EYS: variants seen among roughly 807,000 people sequenced by gnomAD.
EYS encodes the protein EGF-like photoreceptor maintenance factor.
A neutral mutation model predicts 282.1 loss-of-function variants in EYS; 250 were observed. The ratio of observed to expected loss-of-function variants is 0.89; its 90% CI spans 0.80 to 0.98. EYS has a LOEUF of 0.98. Among genes scored for constraint, EYS ranks in the 50% least tolerant of loss-of-function variants. The pLI is 0.00. For missense variants in EYS, 4,016 were observed against 3,709.0 expected (o/e 1.08, Z -2.15); for synonymous variants, 1,355 against 1,282.9 (o/e 1.06, Z -1.20).
At chr6:64,271,400 C>G (rs1012288774) in intron 30 of EYS, among the ~76,000 whole-genome samples, 38 of 151,976 alleles carry the variant, frequency 2.5e-4, no homozygotes, top group African/African-American at 9.2e-4. Context: ...TATGTCCTAC[C>G]AATTGTGGCT....
intron 5 of EYS, among the ~76,000 whole-genome samples, chr6:65,456,313 G>A (rs556939628): frequency 7.9e-5 from 12 of 151,924 alleles, no homozygotes; most frequent in Admixed American, 2.6e-4. Flanking sequence ...TTAGCTGGGC[G>A]TGGTGGAGTG....
intron 22 of EYS, among the ~76,000 whole-genome samples, chr6:64,681,619 C>T (rs182742188): frequency 2.0e-3 from 305 of 152,198 alleles, no homozygotes; most frequent in Non-Finnish European, 3.2e-3. Flanking sequence ...CACGGCCGGG[C>T]GCGGTGGCTC....
At chr6:64,529,882 G>A (rs1419516677) in intron 26 of EYS, among the ~76,000 whole-genome samples, 2 of 152,044 alleles carry the variant, frequency 1.3e-5, no homozygotes, top group African/African-American at 4.8e-5. Context: ...AATTCCAGCA[G>A]AAAGAATTGA....
chr6:63,828,003 A>G (rs1197054450), intron 36 of EYS, among the ~76,000 whole-genome samples: 1 of 152,218 alleles, frequency 6.6e-6, no homozygotes, highest in East Asian at 1.9e-4. Context: ...TGATAAAAAG[A>G]CAATCAAGAT....
chr6:64,731,116 A>G (rs969213690), intron 22 of EYS: 1 of 152,206 alleles, frequency 6.6e-6, no homozygotes. Context: ...TATACCTTAT[A>G]CAAAAATTAA....
intron 13 of EYS, among the ~76,000 whole-genome samples, chr6:65,030,126 C>T (rs957423361): frequency 7.2e-5 from 11 of 152,132 alleles, no homozygotes; most frequent in East Asian, 5.8e-4. Context: ...CCACATTCCC[C>T]GAAGTGTCTG....
intron 26 of EYS, among the ~76,000 whole-genome samples, chr6:64,474,483 TA>T (rs1237139389): frequency 1.3e-5 from 2 of 152,212 alleles, no homozygotes; most frequent in Non-Finnish European, 2.9e-5. Flanking sequence ...AAGAACATTT[TA>T]AAAACAACTC....
chr6:64,505,554 T>C (rs73767831), intron 26 of EYS, among the ~76,000 whole-genome samples: 7,839 of 152,234 alleles, frequency 0.051, 678 homozygotes, highest in African/African-American at 0.18. Flanking sequence ...GCCAGTCTTA[T>C]TTTGGAAGAC....
At chr6:65,608,456 T>C (rs1480275993) in intron 2 of EYS, among the ~76,000 whole-genome samples, 2 of 152,018 alleles carry the variant, frequency 1.3e-5, no homozygotes, top group Non-Finnish European at 2.9e-5. Flanking sequence ...TACACTATTG[T>C]ATACTTCACA....
chr6:64,380,144 G>T (rs2150419234), intron 29 of EYS, among the ~76,000 whole-genome samples: 1 of 151,874 alleles, frequency 6.6e-6, no homozygotes, highest in South Asian at 2.1e-4. Flanking sequence ...GAGTTACAGA[G>T]CATTACATTA....
At chr6:65,631,052 T>G (rs1227757631) in intron 2 of EYS, among the ~76,000 whole-genome samples, 1 of 152,246 alleles carries the variant, frequency 6.6e-6, no homozygotes, top group African/African-American at 2.4e-5. Context: ...TTTAAATTAT[T>G]AAGAAATAGG....
chr6:65,154,853 C>T lies in EYS; in HGVS notation c.2024-97126G>A, dbSNP rs894370804. 2.0e-3 allele frequency among the ~76,000 whole-genome samples: 299 copies of T among 151,550 alleles called. 2 individuals carry two copies. The highest frequency in any genetic ancestry group is 6.9e-3 in the African/African-American group (286 of 41,454). On this transcript the variant is annotated intron_variant, in intron 12 of 42. Coordinates refer to ENST00000503581, the MANE Select transcript of EYS (RefSeq NM_001142800.2). Reference sequence around the variant, plus strand: ...GATTTATTTTCATATTTAAATTAGACAAGCCACTCAACCAAAATTAATAGT... The same window carrying T: ...GATTTATTTTCATATTTAAATTAGATAAGCCACTCAACCAAAATTAATAGT...
chr6:65,469,518 A>T (rs1156717650), intron 5 of EYS, among the ~76,000 whole-genome samples: 2 of 152,110 alleles, frequency 1.3e-5, no homozygotes, highest in African/African-American at 4.8e-5. Flanking sequence ...ATAGGATCAA[A>T]ACTCAATGTA....
chr6:64,465,473 A>G (rs1409804605), intron 26 of EYS, among the ~76,000 whole-genome samples: 1 of 152,186 alleles, frequency 6.6e-6, no homozygotes, highest in Non-Finnish European at 1.5e-5. Context: ...TTTAAGGCCA[A>G]TGAATTTTGG....
At chr6:63,728,230 A>G (rs1768691487) in intron 41 of EYS, among the ~76,000 whole-genome samples, 1 of 152,114 alleles carries the variant, frequency 6.6e-6, no homozygotes, top group South Asian at 2.1e-4. Flanking sequence ...ATGTAGCCAG[A>G]CTTTAAAAAA....
chr6:65,528,995 C>T (rs768616514), intron 2 of EYS, among the ~76,000 whole-genome samples: 19 of 152,216 alleles, frequency 1.2e-4, no homozygotes, highest in Non-Finnish European at 2.4e-4. Flanking sequence ...CAATTAATTG[C>T]TCAAGAGGAG....
chr6:64,923,156 A>G (rs963067457), intron 15 of EYS, among the ~76,000 whole-genome samples: 1 of 151,984 alleles, frequency 6.6e-6, no homozygotes, highest in South Asian at 2.1e-4. Context: ...ACGGGGGAAA[A>G]AAAGGTTTCA....
At chr6:65,264,411 T>A (rs996256579) in intron 12 of EYS, among the ~76,000 whole-genome samples, 1 of 152,128 alleles carries the variant, frequency 6.6e-6, no homozygotes, top group African/African-American at 2.4e-5. Context: ...ACTGGATTTT[T>A]AAAAATAGCC....
At chr6:65,457,981 G>A (rs972838548) in intron 5 of EYS, among the ~76,000 whole-genome samples, 12 of 152,024 alleles carry the variant, frequency 7.9e-5, no homozygotes, top group African/African-American at 2.4e-4. Flanking sequence ...CATATCCAGG[G>A]AGAACCAGGG....
Sources: allele counts gnomAD v4.1 joint callset (sites outside exome capture counted in the v4.1 genomes callset), GRCh38; gene constraint gnomAD v4.1.1; transcripts MANE v1.5; gene names NCBI Gene and HGNC (gene_info 2026-07-23, HGNC 2026-07-21).